PCNA: variants seen among roughly 807,000 people sequenced by gnomAD.
PCNA encodes DNA sliding clamp PCNA.
PCNA carries 4 observed loss-of-function variants against 27.8 expected under a neutral mutation model. The observed-to-expected ratio is 0.14, with a 90% confidence interval of 0.07 to 0.33. PCNA has a LOEUF of 0.33. PCNA is among the 10% of genes least tolerant of loss of function. The probability of loss-of-function intolerance (pLI) is 1.00; values close to 1 mark genes in which losing one functional copy is unlikely to be tolerated. For synonymous variants in PCNA, 121 were observed against 119.4 expected (o/e 1.01, Z -0.09); for missense variants, 165 against 327.4 (o/e 0.50, Z 3.83).
upstream of PCNA, among the ~76,000 whole-genome samples, chr20:5,120,783 C>G (rs187156181): frequency 3.5e-3 from 531 of 152,120 alleles, 4 homozygotes; most frequent in African/African-American, 0.012. Flanking sequence ...AGTCAAAGAG[C>G]GTACACATTT....
At chr20:5,119,248 A>C (rs1243181650) in intron 1 of PCNA, among the ~76,000 whole-genome samples, 2 of 152,150 alleles carry the variant, frequency 1.3e-5, no homozygotes, top group East Asian at 3.9e-4. Flanking sequence ...CAGAAACAAG[A>C]AAGCCACAGC....
chr20:5,115,705 A>T, intron 4 of PCNA, 133 bp from the exon 5 acceptor site: 1 of 642,732 alleles, frequency 1.6e-6, no homozygotes, highest in South Asian at 2.2e-5. Context: ...TTGAAGACTG[A>T]TACATAAAGC....
In PCNA at chr20:5,117,530, T is replaced by A. The variant is rs1600447214; in HGVS notation, c.522A>T (p.Glu174Asp). The stretch of plus-strand genomic sequence containing the variant: ...ACAATTTAATGTTTCCATTTCCAAG[T>A]TCTCCACTTGCAGAAAATTTCACTC... ...KDGVKFSASGELGNGNIKLSQ... is the reference protein window; with the variant it reads ...KDGVKFSASGDLGNGNIKLSQ... The change falls in exon 4 of 6, where the codon GAA (glutamate) becomes GAT (aspartate). Residue 174 changes from glutamate to aspartate, a missense_variant. By Grantham distance (45) the Glu-to-Asp change is conservative. Coordinates refer to ENST00000379143, the MANE Select transcript of PCNA (RefSeq NM_182649.2). 1 of 1,613,984 alleles carries A rather than the reference T, an allele frequency of 6.2e-7. No homozygotes were observed. The highest frequency in any genetic ancestry group is 1.1e-5 in the South Asian group (1 of 91,068).
upstream of PCNA, chr20:5,119,960 C>T (rs776674582): frequency 1.3e-5 from 8 of 618,772 alleles, no homozygotes; most frequent in African/African-American, 1.3e-4. Context: ...CCGTTTAATG[C>T]CGCCGCGTCC....
At position 5,118,673 on chromosome 20, in the gene PCNA, C is replaced by T; in HGVS notation, c.324G>A (p.Gln108=). ...TCATTTCATAGTCTGAAACTTTCTC[C>T]TGGTCTACCAAAAGAAAGCAGATGC... ...TLALVFEAPN[Q]EKVSDYEMKL... is the part of the protein sequence containing the mutation. The change falls in exon 3 of 6, where the codon CAG becomes CAA. Residue 108 remains glutamine (Q), a synonymous_variant. Transcript: ENST00000379143. 1 of 1,613,368 alleles carries T rather than the reference C, an allele frequency of 6.2e-7. No homozygotes were observed. Among genetic ancestry groups the T allele is most frequent in the Non-Finnish European group, 8.5e-7 (1 of 1,179,286 alleles).
chr20:5,120,108 A>G, upstream of PCNA: 1 of 350,880 alleles, frequency 2.8e-6, no homozygotes, highest in Middle Eastern at 9.1e-4. Flanking sequence ...CATTGGAGGA[A>G]GCGGGCGCAG....
Position 5,119,932 on chromosome 20 carries a change from A to G in PCNA, c.-134T>C, listed in dbSNP as rs1223999534. The G allele has an allele frequency of 4.4e-6, 3 of 686,328 alleles. No individual in the cohort carries two copies. Among genetic ancestry groups the G allele is most frequent in the Non-Finnish European group, 7.5e-6 (3 of 400,084 alleles). The allele number at this position is 686,328 out of a possible 1,614,324, so 42.5% of individuals were successfully genotyped here. On this transcript the variant is annotated 5_prime_UTR_variant, in exon 1 of 6. Coordinates refer to ENST00000379143, the MANE Select transcript of PCNA (RefSeq NM_182649.2). ...GCTGAGACCTAGAAAGACAACGACC[A>G]CTCTGCTACGCCTGCAACCGTTTAA...
chr20:5,115,593 C>G (rs1401207187), intron 4 of PCNA, 21 bp from the exon 5 acceptor site: 1 of 1,602,126 alleles, frequency 6.2e-7, no homozygotes, highest in Non-Finnish European at 8.5e-7. Context: ...AAAGATTCAT[C>G]ATTGAAAAAC....
At chr20:5,126,307 A>G (rs576757700) in intron 1 of PCNA, among the ~76,000 whole-genome samples, 3 of 152,368 alleles carry the variant, frequency 2.0e-5, no homozygotes, top group Admixed American at 2.0e-4. Flanking sequence ...TAAACGAGAT[A>G]AGCCAACTAA....
At chr20:5,126,041 C>T (rs1174107201) in intron 1 of PCNA, among the ~76,000 whole-genome samples, 1 of 152,156 alleles carries the variant, frequency 6.6e-6, no homozygotes, top group Non-Finnish European at 1.5e-5. Context: ...CGAGACCAGC[C>T]TGACCAATAT....
intron 4 of PCNA, among the ~76,000 whole-genome samples, chr20:5,115,894 A>AG (rs2090471364): frequency 6.6e-6 from 1 of 152,196 alleles, no homozygotes; most frequent in African/African-American, 2.4e-5. Flanking sequence ...CTAGACAATG[A>AG]CTATTATAGC....
chr20:5,123,169 A>G (rs2090527024), upstream of PCNA, among the ~76,000 whole-genome samples: 1 of 152,220 alleles, frequency 6.6e-6, no homozygotes, highest in Non-Finnish European at 1.5e-5. Flanking sequence ...GTCTGAAGCA[A>G]GAGTGGTGCA....
chr20:5,118,761 C>A lies in PCNA; in HGVS notation c.319+8G>T, dbSNP rs752879172. On this transcript the variant is annotated splice_region_variant and intron_variant, in intron 2 of 5. Transcript: ENST00000379143. ...AGCTTCGTGACTCGGTAAAAAGGTA[C>A]GACTTACTTGGTGCTTCAAATACTA... 1.2e-6 allele frequency: 2 copies of A among 1,612,262 alleles called. No homozygotes were observed. Among genetic ancestry groups the A allele is most frequent in the Non-Finnish European group, 1.7e-6 (2 of 1,178,282 alleles).
At chr20:5,122,562 C>T (rs1323796717), upstream of PCNA, among the ~76,000 whole-genome samples, 1 of 152,172 alleles carries the variant, frequency 6.6e-6, no homozygotes, top group Admixed American at 6.5e-5. Flanking sequence ...CACTTTCTTG[C>T]TTTATGTGTG....
At chr20:5,124,970 C>T (rs946389619) in intron 1 of PCNA, among the ~76,000 whole-genome samples, 9 of 152,198 alleles carry the variant, frequency 5.9e-5, no homozygotes, top group Non-Finnish European at 8.8e-5. Context: ...ACATGACACT[C>T]ACTTAGATAT....
At chr20:5,119,462 A>G (rs1011591386) in intron 1 of PCNA, 116 bp downstream of exon 1, 2 of 816,718 alleles carry the variant, frequency 2.4e-6, no homozygotes, top group African/African-American at 3.4e-5. Flanking sequence ...TGGCAGGCCA[A>G]TGAGAAGGCG....
chr20:5,126,504 G>A (rs2090549790), exon 1 of PCNA: 1 of 152,246 alleles, frequency 6.6e-6, no homozygotes, highest in South Asian at 2.1e-4. Flanking sequence ...ACTTACTTGC[G>A]TAAGGGAAGA....
Position 5,117,611 on chromosome 20 carries a change from T to C in PCNA, c.441A>G (p.Ile147Met), listed in dbSNP as rs777131504. 3 of 1,613,996 alleles carry C rather than the reference T, an allele frequency of 1.9e-6. No individual in the cohort carries two copies. Among genetic ancestry groups the C allele is most frequent in the Non-Finnish European group, 1.7e-6 (2 of 1,179,928 alleles). ...VKMPSGEFAR[I>M]CRDLSHIGDA... ...CTCCAATATGGCTGAGATCTCGGCA[T>C]ATACGTGCAAATTCACCAGAAGGCA... Residue 147 changes from isoleucine (I) to methionine (M), a missense_variant, in exon 4 of 6, where the codon ATA (isoleucine) becomes ATG (methionine). Physicochemically the swap from Ile to Met is conservative, Grantham distance 10. Transcript: ENST00000379143.
upstream of PCNA, among the ~76,000 whole-genome samples, chr20:5,122,610 A>G (rs528750105): frequency 7.2e-5 from 11 of 152,364 alleles, no homozygotes; most frequent in Admixed American, 1.3e-4. Flanking sequence ...ATATCAAAAC[A>G]TAATACAGCA....
Sources: gnomAD v4.1 joint callset for allele counts (sites outside exome capture counted in the v4.1 genomes callset) on GRCh38, gnomAD v4.1.1 for gene constraint, MANE v1.5 for transcripts, NCBI Gene and HGNC (gene_info 2026-07-23, HGNC 2026-07-21) for gene names.